Variants in NDST4 observed in about 807,000 individuals in gnomAD.
NDST4 encodes the protein N-heparan sulfate sulfotransferase 4.
In NDST4, 63 loss-of-function variants were observed where a neutral mutation model predicts 100.8. The observed-to-expected ratio is 0.62, with a 90% CI of 0.51 to 0.77. NDST4 has a LOEUF of 0.77. Among genes scored for constraint, NDST4 ranks in the 30% least tolerant of loss-of-function variants. The pLI is 0.00. For missense variants in NDST4, 943 were observed against 1,018.4 expected, an observed-to-expected ratio of 0.93 and a Z score of 1.01; for synonymous variants, 377 against 361.8, an observed-to-expected ratio of 1.04 and a Z score of -0.48.
chr4:114,970,138 A>G (rs1726477242), intron 4 of NDST4, among the ~76,000 whole-genome samples: 1 of 147,842 alleles, frequency 6.8e-6, no homozygotes, highest in East Asian at 1.9e-4. Flanking sequence ...CTATTTTTTC[A>G]TCTTCATAGA....
At chr4:114,887,114 A>G (rs1724495399) in intron 6 of NDST4, among the ~76,000 whole-genome samples, 1 of 152,230 alleles carries the variant, frequency 6.6e-6, no homozygotes, top group South Asian at 2.1e-4. Flanking sequence ...TGTGAAATCC[A>G]ATATTCCTCA....
chr4:114,846,127 A>G, intron 9 of NDST4, 130 bp from the exon 10 acceptor site: 1 of 767,950 alleles, frequency 1.3e-6, no homozygotes, highest in Admixed American at 3.0e-5. Flanking sequence ...TATAGTTTAA[A>G]TAATAGATAT....
chr4:114,937,942 G>T (rs1340072697), intron 4 of NDST4, among the ~76,000 whole-genome samples: 1 of 151,998 alleles, frequency 6.6e-6, no homozygotes, highest in Non-Finnish European at 1.5e-5. Flanking sequence ...ATAATGAAGT[G>T]ATGAGCTTTT....
At chr4:114,964,667 T>C (rs1357778605) in intron 4 of NDST4, among the ~76,000 whole-genome samples, 2 of 152,190 alleles carry the variant, frequency 1.3e-5, no homozygotes, top group African/African-American at 4.8e-5. Context: ...AATATTATTA[T>C]TGGCTGTAAA....
chr4:114,963,795 G>T (rs1426657142), intron 4 of NDST4, among the ~76,000 whole-genome samples: 1 of 152,156 alleles, frequency 6.6e-6, no homozygotes, highest in Non-Finnish European at 1.5e-5. Flanking sequence ...AAAATATTAG[G>T]TTTTAGTTAA....
chr4:114,864,220 A>C (rs959541977), intron 7 of NDST4, among the ~76,000 whole-genome samples: 1 of 152,170 alleles, frequency 6.6e-6, no homozygotes, highest in African/African-American at 2.4e-5. Flanking sequence ...AGACCTTAAT[A>C]GTTGAAACTT....
chr4:114,831,057 T>C (rs1253118491), intron 12 of NDST4, among the ~76,000 whole-genome samples: 2 of 152,220 alleles, frequency 1.3e-5, no homozygotes, highest in South Asian at 2.1e-4. Flanking sequence ...CTTTTCTTTT[T>C]TTTTTTGAGA....
chr4:114,898,397 A>G (rs1724762657), intron 6 of NDST4, among the ~76,000 whole-genome samples: 1 of 152,078 alleles, frequency 6.6e-6, no homozygotes, highest in African/African-American at 2.4e-5. Context: ...ATTTTCTACT[A>G]TCTTCCATTG....
chr4:115,099,056 T>C (rs940511847), intron 1 of NDST4, among the ~76,000 whole-genome samples: 3 of 152,156 alleles, frequency 2.0e-5, no homozygotes, highest in Admixed American at 6.6e-5. Context: ...GCAGAAAGGA[T>C]AGCCTTTTCA....
chr4:114,870,235 G>T (rs184250752), intron 7 of NDST4, among the ~76,000 whole-genome samples: 51 of 152,226 alleles, frequency 3.4e-4, no homozygotes, highest in African/African-American at 1.1e-3. Flanking sequence ...TTTTTCAGTA[G>T]GTCTAATATT....
chr4:114,912,205 A>G (rs188064466), intron 6 of NDST4, among the ~76,000 whole-genome samples: 98 of 152,272 alleles, frequency 6.4e-4, no homozygotes, highest in African/African-American at 2.3e-3. Flanking sequence ...CAATGTGACA[A>G]GTGAGGTGAT....
At chr4:114,866,263 T>C (rs973146916) in intron 7 of NDST4, among the ~76,000 whole-genome samples, 2 of 152,180 alleles carry the variant, frequency 1.3e-5, no homozygotes, top group Non-Finnish European at 2.9e-5. Flanking sequence ...CTCTCATAGG[T>C]AGATTATTTT....
At chr4:115,055,623 C>G (rs1466545914) in intron 2 of NDST4, among the ~76,000 whole-genome samples, 1 of 152,004 alleles carries the variant, frequency 6.6e-6, no homozygotes, top group Non-Finnish European at 1.5e-5. Flanking sequence ...ATTTGGGGGC[C>G]TTTTTAACTT....
chr4:115,055,037 C>T (rs755665003), intron 2 of NDST4, among the ~76,000 whole-genome samples: 6 of 152,042 alleles, frequency 3.9e-5, no homozygotes, highest in Non-Finnish European at 5.9e-5. Context: ...ATCACCCGAG[C>T]GCCACATTCT....
intron 1 of NDST4, among the ~76,000 whole-genome samples, chr4:115,082,541 C>G (rs1361375006): frequency 6.6e-6 from 1 of 152,120 alleles, no homozygotes; most frequent in African/African-American, 2.4e-5. Context: ...ATGAGCTGTA[C>G]AGATCACTAA....
At chr4:114,958,869 A>G (rs1361305508) in intron 4 of NDST4, among the ~76,000 whole-genome samples, 2 of 152,162 alleles carry the variant, frequency 1.3e-5, no homozygotes, top group Admixed American at 1.3e-4. Flanking sequence ...CCTTTTAAAT[A>G]TAAGTTCCAA....
intron 4 of NDST4, among the ~76,000 whole-genome samples, chr4:114,952,876 A>G (rs1726048719): frequency 6.6e-6 from 1 of 152,100 alleles, no homozygotes; most frequent in Non-Finnish European, 1.5e-5. Flanking sequence ...ATGCAATAAG[A>G]TCTCAATACC....
At chr4:114,923,261 T>C (rs1335371479) in intron 6 of NDST4, among the ~76,000 whole-genome samples, 1 of 151,952 alleles carries the variant, frequency 6.6e-6, no homozygotes, top group Non-Finnish European at 1.5e-5. Context: ...TAGAAAAGAG[T>C]TTATATTTTT....
At chr4:114,981,859 C>A (rs933239469) in intron 2 of NDST4, among the ~76,000 whole-genome samples, 1 of 152,046 alleles carries the variant, frequency 6.6e-6, no homozygotes, top group Non-Finnish European at 1.5e-5. Flanking sequence ...TGTCCCAACC[C>A]AAATCTCACA....
Sources: allele counts gnomAD v4.1 joint callset (sites outside exome capture counted in the v4.1 genomes callset), GRCh38; gene constraint gnomAD v4.1.1; transcripts MANE v1.5; gene names NCBI Gene and HGNC (gene_info 2026-07-23, HGNC 2026-07-21).